The following IQGAP1 variants were observed in gnomAD, a reference collection of about 807,000 sequenced individuals.
IQGAP1 encodes IQ motif containing GTPase activating protein 1.
Under a neutral mutation model 215.6 loss-of-function variants are expected in IQGAP1, and 66 were observed. The observed-to-expected ratio is 0.31, with a 90% CI of 0.25 to 0.38. The LOEUF is 0.38. IQGAP1 is among the 10% of genes least tolerant of loss of function. The pLI is 1.00. For missense variants in IQGAP1, 1,712 were observed against 1,997.1 expected (o/e 0.86, Z 2.72); for synonymous variants, 772 against 728.7 (o/e 1.06, Z -0.96).
At chr15:90,449,493 G>A (rs1056990479) in intron 10 of IQGAP1, 66 bp from the exon 11 acceptor site, 14 of 1,311,436 alleles carry the variant, frequency 1.1e-5, no homozygotes, top group African/African-American at 1.5e-5. Flanking sequence ...TTTGAGAGAT[G>A]AGAACCTTAA....
At chr15:90,464,606 T>G (rs1308364243) in intron 15 of IQGAP1, among the ~76,000 whole-genome samples, 2 of 152,050 alleles carry the variant, frequency 1.3e-5, no homozygotes, top group Non-Finnish European at 2.9e-5. Context: ...ATCCCAGCAC[T>G]ATGGGAGGCC....
intron 30 of IQGAP1, among the ~76,000 whole-genome samples, chr15:90,484,962 A>G (rs997489405): frequency 1.3e-5 from 2 of 152,132 alleles, no homozygotes; most frequent in South Asian, 4.1e-4. Context: ...AAATTTATCT[A>G]TTGCCTTAAT....
intron 5 of IQGAP1, among the ~76,000 whole-genome samples, chr15:90,434,825 G>A (rs1343128594): frequency 6.6e-6 from 1 of 152,132 alleles, no homozygotes; most frequent in Admixed American, 6.5e-5. Flanking sequence ...GGAGCATTTT[G>A]GATTTTGGAT....
chr15:90,410,955 A>C (rs1212733921), intron 2 of IQGAP1, among the ~76,000 whole-genome samples: 3 of 152,092 alleles, frequency 2.0e-5, no homozygotes, highest in African/African-American at 7.2e-5. Context: ...GTCCCATGGA[A>C]ATTTTTCTAG....
chr15:90,452,927 C>CA lies in IQGAP1; in HGVS notation c.1318dup (p.Ser440LysfsTer3). On this transcript the variant is annotated frameshift_variant, in exon 12 of 38. Transcript: ENST00000268182. LOFTEE classifies it high-confidence loss of function. ...GAAGGAGCTGGCTACCCTGCAGCGA[C>CA]AAAGTCCTGAAGTGAGTTCACTAAA... 1 of 1,613,900 alleles carries CA rather than the reference C, an allele frequency of 6.2e-7. No homozygotes were observed. Among genetic ancestry groups the CA allele is most frequent in the Non-Finnish European group, 8.5e-7 (1 of 1,179,968 alleles).
chr15:90,431,362 A>G (rs1965300880), intron 4 of IQGAP1: 1 of 152,172 alleles, frequency 6.6e-6, no homozygotes, highest in Non-Finnish European at 1.5e-5. Flanking sequence ...GTTTTTTAAT[A>G]TAGTATAAAA....
Position 90,486,062 on chromosome 15 carries a change from G to T in IQGAP1, c.3954G>T (p.Pro1318=). Residue 1318 remains proline, a synonymous_variant, in exon 31 of 38, where the codon CCG becomes CCT. Transcript: ENST00000268182. ...TGGATCACCAGGATGCCATTGCTCC[G>T]GAGCACAATGATCCAATCCACGAAC... ...LLLDHQDAIA[P]EHNDPIHELL... is the part of the protein sequence containing the mutation. 1 of 1,613,812 alleles carries T rather than the reference G, an allele frequency of 6.2e-7. No homozygotes were observed. Among genetic ancestry groups the T allele is most frequent in the South Asian group, 1.1e-5 (1 of 91,010 alleles).
chr15:90,484,805 G>T (rs779661359), intron 30 of IQGAP1, among the ~76,000 whole-genome samples: 12 of 152,064 alleles, frequency 7.9e-5, no homozygotes, highest in Non-Finnish European at 1.8e-4. Context: ...CACCACGCCT[G>T]GCCTTTTGCT....
Position 90,456,144 on chromosome 15 carries a change from A to G in IQGAP1, c.1613-8A>G. 6.2e-7 allele frequency: 1 copy of G among 1,609,286 alleles called. No homozygotes were observed. Among genetic ancestry groups the G allele is most frequent in the Non-Finnish European group, 8.5e-7 (1 of 1,178,206 alleles). ...GAAAAAAAAAACTTTCTGTCTCTTTATATTTAGGGATTTTAGCCATTGGTT... is the reference window on the plus strand; with the variant it reads ...GAAAAAAAAAACTTTCTGTCTCTTTGTATTTAGGGATTTTAGCCATTGGTT... On this transcript the variant is annotated splice_polypyrimidine_tract_variant and splice_region_variant and intron_variant, in intron 14 of 37. Transcript: ENST00000268182.
At chr15:90,469,042 A>T (rs1454973260) in intron 18 of IQGAP1, among the ~76,000 whole-genome samples, 1 of 152,196 alleles carries the variant, frequency 6.6e-6, no homozygotes, top group African/African-American at 2.4e-5. Context: ...GTAGTTTTTA[A>T]GGTGAGCTGC....
rs559205807 is a variant in IQGAP1, at chr15:90,440,109, A to G, written c.536-393A>G. On this transcript the variant is annotated intron_variant, in intron 6 of 37. Transcript: ENST00000268182. ...TTATCATTTGGCTTTCTGCCTTAGA[A>G]ATGAAATTGTTGAATAGCAGCTAAT... Among the ~76,000 whole-genome samples the G allele has an allele frequency of 2.0e-5, 3 of 152,346 alleles. No individual in the cohort carries two copies. The East Asian group carries it at 5.8e-4, about 29-fold the overall frequency.
chr15:90,484,033 GAGAA>G (rs1487209888), intron 29 of IQGAP1, among the ~76,000 whole-genome samples, 183 bp from the exon 30 acceptor site: 1 of 152,164 alleles, frequency 6.6e-6, no homozygotes, highest in Non-Finnish European at 1.5e-5. Context: ...AAACTAGGTG[GAGAA>G]AGAAGTTATT....
intron 33 of IQGAP1, among the ~76,000 whole-genome samples, chr15:90,490,762 G>A (rs1966191703): frequency 2.0e-5 from 3 of 152,096 alleles, no homozygotes; most frequent in Admixed American, 2.0e-4. Flanking sequence ...CTGGAGTCCA[G>A]GAAAGAAGCC....
At position 90,398,046 on chromosome 15, in the gene IQGAP1, G is replaced by A. The variant is rs113711212; in HGVS notation, c.155+7173G>A. Reference sequence around the variant, plus strand: ...TTACAGGTGCCTACCACCATACCCAGCTAATTTTTGTATTTTTTAGTGGAG... The same window carrying A: ...TTACAGGTGCCTACCACCATACCCAACTAATTTTTGTATTTTTTAGTGGAG... On this transcript the variant is annotated intron_variant, in intron 2 of 37. Coordinates refer to ENST00000268182, the MANE Select transcript of IQGAP1 (RefSeq NM_003870.4). Among the ~76,000 whole-genome samples, 1,124 of 151,712 alleles carry A rather than the reference G, an allele frequency of 7.4e-3. 14 individuals carry two copies. The highest frequency in any genetic ancestry group is 0.026 in the African/African-American group (1,060 of 41,320).
intron 9 of IQGAP1, among the ~76,000 whole-genome samples, chr15:90,446,651 T>C (rs931412219): frequency 6.6e-6 from 1 of 152,174 alleles, no homozygotes; most frequent in African/African-American, 2.4e-5. Flanking sequence ...CAGGAGGATA[T>C]AGGGACTTCG....
At chr15:90,422,975 G>A (rs1415464928) in intron 2 of IQGAP1, among the ~76,000 whole-genome samples, 7 of 151,882 alleles carry the variant, frequency 4.6e-5, no homozygotes, top group Admixed American at 6.6e-5. Flanking sequence ...GATTACAGGC[G>A]TGAGCTACTG....
intron 2 of IQGAP1, among the ~76,000 whole-genome samples, chr15:90,420,959 C>A (rs1965125739): frequency 6.6e-6 from 1 of 151,938 alleles, no homozygotes. Context: ...TCAAGGCCAG[C>A]CCGGCCAACA....
In IQGAP1 at chr15:90,482,207, C is replaced by T. The variant is rs766969217; in HGVS notation, c.3481C>T (p.Arg1161Cys). ...TTGTCCATCCCGCAGTTATGGGATG[C>T]GCTTCATTGCCAAAGTGCTGAAGGA... is the stretch of plus-strand genomic sequence containing the variant. ...SSVDKIPYGM[R>C]FIAKVLKDSL... The change falls in exon 28 of 38, where the codon CGC (arginine) becomes TGC (cysteine). Residue 1161 changes from arginine to cysteine, a missense_variant. This residue lies in a region of IQGAP1 where 691 missense variants were observed against 923.0 expected (regional missense o/e 0.75). Coordinates refer to ENST00000268182, the MANE Select transcript of IQGAP1 (RefSeq NM_003870.4). The T allele has an allele frequency of 4.3e-6, 7 of 1,614,046 alleles. No homozygotes were observed. The highest frequency in any genetic ancestry group is 1.7e-5 in the Admixed American group (1 of 60,000).
chr15:90,441,120 A>G (rs1182819224), intron 7 of IQGAP1, among the ~76,000 whole-genome samples: 3 of 151,148 alleles, frequency 2.0e-5, no homozygotes, highest in African/African-American at 4.9e-5. Flanking sequence ...AAAAAAAAAG[A>G]AAAAAAAAGA....
Sources: allele counts gnomAD v4.1 joint callset (sites outside exome capture counted in the v4.1 genomes callset), GRCh38; gene constraint gnomAD v4.1.1; regional missense constraint gnomAD v4.1.1; transcripts MANE v1.5; gene names NCBI Gene and HGNC (gene_info 2026-07-23, HGNC 2026-07-21).